The following CCDC92 variants were observed in gnomAD, a reference collection of about 807,000 sequenced individuals.
CCDC92 encodes coiled-coil domain containing 92, also known as coiled-coil domain-containing protein 92.
A neutral mutation model predicts 24.9 loss-of-function variants in CCDC92; 12 were observed. That is an observed-to-expected ratio of 0.48 (90% confidence interval 0.31 to 0.78). CCDC92 has a LOEUF of 0.78. Ranked by LOEUF, CCDC92 falls within the 30% of genes least tolerant of loss-of-function variation. The pLI, the probability that CCDC92 is intolerant of heterozygous loss-of-function variation, is 0.05. For missense variants in CCDC92, 399 were observed against 439.4 expected (o/e 0.91, Z 0.82); for synonymous variants, 193 against 196.3 (o/e 0.98, Z 0.14).
Position 123,943,342 on chromosome 12 carries a change from T to G in CCDC92, c.181+5A>C, listed in dbSNP as rs772427442. 1 of 1,612,296 alleles carries G rather than the reference T, an allele frequency of 6.2e-7. No individual in the cohort carries two copies. On this transcript the variant is annotated splice_donor_5th_base_variant and intron_variant, in intron 3 of 4. Coordinates refer to ENST00000238156, the MANE Select transcript of CCDC92 (RefSeq NM_025140.3). ...CCGCCTGCCCGGGCCTGCTCCCCGA[T>G]GTACCTGTGCAGTGCTGCTGCAGCC... is the stretch of plus-strand genomic sequence containing the variant.
Position 123,937,942 on chromosome 12 carries a change from G to A in CCDC92, c.224-112C>T. On this transcript the variant is annotated intron_variant, in intron 4 of 4. Transcript: ENST00000238156. The surrounding 1 kb of genome is among the most constrained non-coding windows in gnomAD (Gnocchi z 8.4). ...GTGGGGGCCCTGTCTAGGCTGTGGGGGCCATGCAGAAGGCAGGGCTGTGGG... is the reference window on the plus strand; with the variant it reads ...GTGGGGGCCCTGTCTAGGCTGTGGGAGCCATGCAGAAGGCAGGGCTGTGGG... 1 of 1,118,074 alleles carries A rather than the reference G, an allele frequency of 8.9e-7. No homozygotes were observed. The highest frequency in any genetic ancestry group is 1.5e-5 in the South Asian group (1 of 64,936). The allele number at this position is 1,118,074 out of a possible 1,614,324, so 69.3% of individuals were successfully genotyped here.
chr12:123,942,812 T>A (rs1418073127), intron 3 of CCDC92, 27 bp from the exon 4 acceptor site: 1 of 1,557,824 alleles, frequency 6.4e-7, no homozygotes, highest in African/African-American at 1.4e-5. Context: ...ACACATTAAT[T>A]CTTTTACTGT....
At chr12:123,971,873 G>C (rs934985641) in intron 1 of CCDC92, 1 of 152,006 alleles carries the variant, frequency 6.6e-6, no homozygotes, top group South Asian at 2.1e-4. Context: ...TCAGGAAGGG[G>C]CTGGCAAGGT....
intron 1 of CCDC92, among the ~76,000 whole-genome samples, chr12:123,963,023 C>A (rs1250948163): frequency 1.3e-5 from 2 of 152,132 alleles, no homozygotes; most frequent in Non-Finnish European, 2.9e-5. Flanking sequence ...GCTGTGCCCC[C>A]AGGGGGCATC....
At position 123,972,826 on chromosome 12, in the gene CCDC92, G is replaced by A. The variant is rs925910193; in HGVS notation, c.-357C>T. On this transcript the variant is annotated 5_prime_UTR_variant, in exon 1 of 5. Coordinates refer to ENST00000238156, the MANE Select transcript of CCDC92 (RefSeq NM_025140.3). ...TAGGCGCCGGCGCGGCGGCGGGCCT[G>A]TGTCTGCCGGGCTGGGCGGGGGCGG... 6.8e-6 allele frequency: 1 copy of A among 147,258 alleles called. No individual in the cohort carries two copies. The highest frequency in any genetic ancestry group is 1.5e-5 in the Non-Finnish European group (1 of 66,104). 9.1% of individuals were successfully genotyped at this position (147,258 alleles called of 1,614,324 possible). A position where few individuals can be genotyped will look rare whatever the true frequency, so the allele number is the denominator to read the frequency against.
intron 1 of CCDC92, chr12:123,962,429 A>G (rs1486644116): frequency 6.6e-6 from 1 of 152,222 alleles, no homozygotes; most frequent in Non-Finnish European, 1.5e-5. Context: ...CTTATTTACT[A>G]ATTTATTAAT....
intron 1 of CCDC92, among the ~76,000 whole-genome samples, chr12:123,948,512 G>A (rs906882414): frequency 6.6e-6 from 1 of 152,232 alleles, no homozygotes; most frequent in Non-Finnish European, 1.5e-5. Context: ...CGAGCAGGGA[G>A]AGTGTGACCA....
intron 1 of CCDC92, among the ~76,000 whole-genome samples, chr12:123,951,472 T>TA (rs1446952601): frequency 3.3e-5 from 5 of 152,052 alleles, no homozygotes; most frequent in Non-Finnish European, 5.9e-5. Flanking sequence ...TTTTAGAATC[T>TA]AAAAAAAATA....
At chr12:123,967,119 T>G (rs1956410937) in intron 1 of CCDC92, among the ~76,000 whole-genome samples, 1 of 152,118 alleles carries the variant, frequency 6.6e-6, no homozygotes, top group South Asian at 2.1e-4. Context: ...AATTCCTCAC[T>G]TGAAATCACA....
intron 1 of CCDC92, among the ~76,000 whole-genome samples, chr12:123,971,035 TA>T (rs921247727): frequency 1.3e-5 from 2 of 152,206 alleles, no homozygotes; most frequent in African/African-American, 4.8e-5. Flanking sequence ...AAAGAGTTAA[TA>T]AAAATATCTA....
Position 123,947,171 on chromosome 12 carries a change from C to T in CCDC92, c.-59-2807G>A, listed in dbSNP as rs576568488. On this transcript the variant is annotated intron_variant, in intron 1 of 4. Coordinates refer to ENST00000238156, the MANE Select transcript of CCDC92 (RefSeq NM_025140.3). ...AGCCCACCAGCGCTGCACTCAATTT[C>T]TCACCAGGCCTTAGCTGCCTTCCCG... is the stretch of plus-strand genomic sequence containing the variant. Among the ~76,000 whole-genome samples, 18 of 152,346 alleles carry T rather than the reference C, an allele frequency of 1.2e-4. No individual in the cohort carries two copies. In the East Asian group the frequency reaches 3.5e-3, roughly 29 times the overall value.
In CCDC92 at chr12:123,937,691, G is replaced by A. The variant is rs143608456; in HGVS notation, c.363C>T (p.Asn121=). The stretch of plus-strand genomic sequence containing the variant: ...ACTTCTTCTCTCGCTCCTTGATGGT[G>A]TTCTCCAGCACTGTGATCATCGCGT... ...QKNAMITVLE[N]TIKEREKKYL... The change falls in exon 5 of 5, where the codon AAC becomes AAT. Residue 121 remains asparagine (N), a synonymous_variant. Coordinates refer to ENST00000238156, the MANE Select transcript of CCDC92 (RefSeq NM_025140.3). The surrounding 1 kb of genome is among the most constrained non-coding windows in gnomAD (Gnocchi z 8.4). The A allele has an allele frequency of 5.8e-5, 94 of 1,614,100 alleles. No homozygotes were observed. In the African/African-American group the frequency reaches 1.2e-3, roughly 21 times the overall value.
chr12:123,944,175 G>C, intron 2 of CCDC92, 97 bp downstream of exon 2: 1 of 795,592 alleles, frequency 1.3e-6, no homozygotes, highest in East Asian at 2.5e-5. Context: ...CATGGGGCCA[G>C]GGGGTGGTGC....
chr12:123,959,450 G>C (rs1956224337), intron 1 of CCDC92, among the ~76,000 whole-genome samples: 1 of 151,994 alleles, frequency 6.6e-6, no homozygotes, highest in South Asian at 2.1e-4. Context: ...GACTACCAGT[G>C]TGCACCACCA....
At chr12:123,947,851 T>C (rs1039201199) in intron 1 of CCDC92, among the ~76,000 whole-genome samples, 15 of 152,136 alleles carry the variant, frequency 9.9e-5, no homozygotes, top group African/African-American at 3.4e-4. Flanking sequence ...CTCTTTGCAA[T>C]AAATCTTGCT....
chr12:123,942,975 G>A (rs1227738692), intron 3 of CCDC92, among the ~76,000 whole-genome samples, 190 bp from the exon 4 acceptor site: 1 of 152,168 alleles, frequency 6.6e-6, no homozygotes, highest in Non-Finnish European at 1.5e-5. Flanking sequence ...CCTGGGGTCA[G>A]AGGGCACCCT....
At chr12:123,944,791 T>A (rs1406520437) in intron 1 of CCDC92, 1 of 152,472 alleles carries the variant, frequency 6.6e-6, no homozygotes, top group East Asian at 1.9e-4. Flanking sequence ...CGAAGGGGAA[T>A]GAACAATGAT....
chr12:123,959,139 T>TC (rs1195017792), intron 1 of CCDC92, among the ~76,000 whole-genome samples: 2 of 152,198 alleles, frequency 1.3e-5, no homozygotes, highest in Non-Finnish European at 2.9e-5. Context: ...CACACGTAAC[T>TC]CCCGTGCCTT....
intron 1 of CCDC92, among the ~76,000 whole-genome samples, chr12:123,955,658 T>C (rs879075934): frequency 1.3e-5 from 2 of 152,076 alleles, no homozygotes; most frequent in Non-Finnish European, 2.9e-5. Context: ...CCTTTTTTTT[T>C]GGTGGGGGGG....
Sources: gnomAD v4.1 joint callset for allele counts (sites outside exome capture counted in the v4.1 genomes callset) on GRCh38, gnomAD v4.1.1 for gene constraint, Gnocchi (gnomAD v3.1) non-coding constraint, MANE v1.5 for transcripts, NCBI Gene and HGNC (gene_info 2026-07-23, HGNC 2026-07-21) for gene names.